Variants in CSMD1 observed in about 807,000 individuals in gnomAD.
CSMD1 encodes CUB and Sushi multiple domains 1, also known as CUB and sushi domain-containing protein 1.
In CSMD1, 213 loss-of-function variants were observed where a neutral mutation model predicts 417.5. The observed-to-expected ratio is 0.51, with a 90% CI of 0.46 to 0.57. CSMD1 has a LOEUF of 0.57. CSMD1 is among the 20% of genes least tolerant of loss of function. The pLI is 0.00. For missense variants in CSMD1, 6,923 were observed against 4,529.7 expected, an observed-to-expected ratio of 1.53 and a Z score of -15.17; for synonymous variants, 2,862 against 1,736.8, an observed-to-expected ratio of 1.65 and a Z score of -16.11.
At chr8:3,806,498 C>A (rs1269640115) in intron 5 of CSMD1, among the ~76,000 whole-genome samples, 2 of 152,146 alleles carry the variant, frequency 1.3e-5, no homozygotes, top group Non-Finnish European at 2.9e-5. Flanking sequence ...AAAGAACCAA[C>A]ACAGAGCCAC....
At chr8:3,992,958 C>T (rs937596459) in intron 5 of CSMD1, among the ~76,000 whole-genome samples, 1 of 152,134 alleles carries the variant, frequency 6.6e-6, no homozygotes, top group Admixed American at 6.5e-5. Flanking sequence ...TTCATAGAAA[C>T]AAAGAAAGAT....
chr8:4,068,979 C>T (rs930099350), intron 3 of CSMD1, among the ~76,000 whole-genome samples: 8 of 151,904 alleles, frequency 5.3e-5, no homozygotes, highest in Non-Finnish European at 8.8e-5. Flanking sequence ...TTTGTTCAAA[C>T]GTTGAATGGC....
chr8:4,198,684 C>G (rs1799479193), intron 3 of CSMD1, among the ~76,000 whole-genome samples: 1 of 152,004 alleles, frequency 6.6e-6, no homozygotes, highest in African/African-American at 2.4e-5. Flanking sequence ...CTGGTAAAAC[C>G]CCAAGGACTA....
chr8:4,261,769 G>A (rs1446817671), intron 3 of CSMD1, among the ~76,000 whole-genome samples: 1 of 152,008 alleles, frequency 6.6e-6, no homozygotes, highest in African/African-American at 2.4e-5. Flanking sequence ...GTGAAGTGAT[G>A]AATATGTTAA....
intron 6 of CSMD1, among the ~76,000 whole-genome samples, chr8:3,725,968 G>A (rs1462681141): frequency 1.3e-5 from 2 of 152,132 alleles, no homozygotes; most frequent in East Asian, 1.9e-4. Flanking sequence ...AAAAAACAGT[G>A]GAAGTAATTG....
At chr8:3,509,028 G>A (rs1455092421) in intron 10 of CSMD1, among the ~76,000 whole-genome samples, 1 of 152,188 alleles carries the variant, frequency 6.6e-6, no homozygotes, top group Non-Finnish European at 1.5e-5. Context: ...CAAGCTATCT[G>A]ACCTTGGGCA....
At chr8:4,276,024 G>T (rs1277829713) in intron 3 of CSMD1, among the ~76,000 whole-genome samples, 1 of 152,190 alleles carries the variant, frequency 6.6e-6, no homozygotes, top group Admixed American at 6.6e-5. Flanking sequence ...ATGTTGGTGG[G>T]AGTGTAAATT....
chr8:3,341,505 A>G (rs1352120662), intron 23 of CSMD1, among the ~76,000 whole-genome samples: 2 of 152,220 alleles, frequency 1.3e-5, no homozygotes, highest in Non-Finnish European at 2.9e-5. Context: ...GTAATGAGAA[A>G]TAACACACGA....
At chr8:3,178,815 AT>A (rs1303522720) in intron 37 of CSMD1, among the ~76,000 whole-genome samples, 1 of 152,234 alleles carries the variant, frequency 6.6e-6, no homozygotes, top group Non-Finnish European at 1.5e-5. Flanking sequence ...ATATCTTAAA[AT>A]AAATGCAAAA....
At chr8:3,208,370 G>C (rs1258165151) in intron 30 of CSMD1, among the ~76,000 whole-genome samples, 1 of 152,112 alleles carries the variant, frequency 6.6e-6, no homozygotes, top group Non-Finnish European at 1.5e-5. Flanking sequence ...AGGTTCAAGT[G>C]ATTCTCCTGC....
intron 3 of CSMD1, among the ~76,000 whole-genome samples, chr8:4,412,439 C>T (rs1220475902): frequency 6.6e-6 from 1 of 152,138 alleles, no homozygotes; most frequent in African/African-American, 2.4e-5. Flanking sequence ...TGGAAGCTTC[C>T]CGAGGCCTCA....
chr8:3,402,317 T>G (rs1433536659), intron 15 of CSMD1, among the ~76,000 whole-genome samples: 1 of 152,196 alleles, frequency 6.6e-6, no homozygotes, highest in African/African-American at 2.4e-5. Context: ...TTTATGTGAG[T>G]CATTTTTGGT....
At chr8:3,404,151 T>C (rs1488984815) in intron 15 of CSMD1, among the ~76,000 whole-genome samples, 1 of 151,994 alleles carries the variant, frequency 6.6e-6, no homozygotes, top group Non-Finnish European at 1.5e-5. Flanking sequence ...CTGGCCAACA[T>C]GTTGAAACGT....
At chr8:3,551,712 T>C (rs888710942) in intron 10 of CSMD1, among the ~76,000 whole-genome samples, 9 of 151,378 alleles carry the variant, frequency 5.9e-5, no homozygotes, top group Non-Finnish European at 5.9e-5. Context: ...TGATGAGAAA[T>C]AGTCATTGTA....
intron 15 of CSMD1, among the ~76,000 whole-genome samples, chr8:3,404,405 C>A (rs1210887021): frequency 6.6e-6 from 1 of 151,580 alleles, no homozygotes; most frequent in Non-Finnish European, 1.5e-5. Flanking sequence ...GGAGGTGGGA[C>A]CAGGGCAGGA....
At chr8:3,706,671 C>G (rs1167890079) in intron 7 of CSMD1, among the ~76,000 whole-genome samples, 1 of 152,148 alleles carries the variant, frequency 6.6e-6, no homozygotes. Flanking sequence ...GATCGGATAT[C>G]CAACCTGATA....
chr8:4,169,225 C>T (rs1563216175), intron 3 of CSMD1, among the ~76,000 whole-genome samples: 1 of 152,110 alleles, frequency 6.6e-6, no homozygotes, highest in African/African-American at 2.4e-5. Context: ...GAGCAAAGTC[C>T]AGCAGTGTTC....
chr8:4,772,427 C>G (rs1210917859), intron 1 of CSMD1, among the ~76,000 whole-genome samples: 1 of 152,172 alleles, frequency 6.6e-6, no homozygotes, highest in African/African-American at 2.4e-5. Context: ...AATGATCTCC[C>G]TATTTTAAGG....
chr8:3,162,165 G>A lies in CSMD1; in HGVS notation c.5838C>T (p.Thr1946=), dbSNP rs376082130. The change falls in exon 38 of 70, where the codon ACC becomes ACT. Residue 1946 remains threonine (T), a synonymous_variant. Coordinates refer to ENST00000635120, the MANE Select transcript of CSMD1 (RefSeq NM_033225.6). The part of the protein sequence containing the change: ...VLSFQCEPGY[T]LQGRSHISCM... ...GCACTGAGAAGAAGGATACCTGCAGGGTGTACCCGGGCTCGCACTGGAAGG... is the reference window on the plus strand; with the variant it reads ...GCACTGAGAAGAAGGATACCTGCAGAGTGTACCCGGGCTCGCACTGGAAGG... 3 of 1,596,626 alleles carry A rather than the reference G, an allele frequency of 1.9e-6. No homozygotes were observed. Among genetic ancestry groups the A allele is most frequent in the East Asian group, 2.2e-5 (1 of 44,532 alleles).
Sources: allele counts gnomAD v4.1 joint callset (sites outside exome capture counted in the v4.1 genomes callset), GRCh38; gene constraint gnomAD v4.1.1; transcripts MANE v1.5; gene names NCBI Gene and HGNC (gene_info 2026-07-23, HGNC 2026-07-21).